MYO16: variants seen among roughly 807,000 people sequenced by gnomAD.
MYO16 encodes the protein myosin XVI.
MYO16 carries 94 observed loss-of-function variants against 205.3 expected under a neutral mutation model. That is an observed-to-expected ratio of 0.46 (90% CI 0.39 to 0.54). The LOEUF is 0.54. Among genes scored for constraint, MYO16 ranks in the 20% least tolerant of loss-of-function variants. The probability of loss-of-function intolerance (pLI) is 0.00; values close to 1 mark genes in which losing one functional copy is unlikely to be tolerated. For missense variants in MYO16, 2,315 were observed against 2,387.5 expected (o/e 0.97, Z 0.63); for synonymous variants, 988 against 954.0 (o/e 1.04, Z -0.66).
intron 5 of MYO16, among the ~76,000 whole-genome samples, chr13:108,790,207 C>T (rs1239610769): frequency 6.6e-6 from 1 of 152,168 alleles, no homozygotes; most frequent in Non-Finnish European, 1.5e-5. Context: ...CTAATATCAT[C>T]AGAGAAAAGG....
chr13:109,144,045 C>T (rs537178632), intron 32 of MYO16, among the ~76,000 whole-genome samples: 44 of 131,902 alleles, frequency 3.3e-4, no homozygotes, highest in Non-Finnish European at 4.9e-4. Context: ...TTTTTTTTGA[C>T]GGAGTTTTGC....
chr13:108,841,506 A>G (rs539522213), intron 9 of MYO16, among the ~76,000 whole-genome samples: 52 of 152,310 alleles, frequency 3.4e-4, no homozygotes, highest in South Asian at 1.0e-3. Flanking sequence ...TGGGTTATGA[A>G]AGGAACTTAG....
intron 1 of MYO16, among the ~76,000 whole-genome samples, chr13:108,600,854 G>T (rs1372382901): frequency 6.6e-6 from 1 of 152,040 alleles, no homozygotes; most frequent in East Asian, 1.9e-4. Context: ...ATTTTACTAC[G>T]GTTTTTTAAA....
At chr13:108,989,133 C>T (rs2139432137) in intron 20 of MYO16, among the ~76,000 whole-genome samples, 1 of 152,170 alleles carries the variant, frequency 6.6e-6, no homozygotes. Context: ...TAAGAAATCA[C>T]CTCCAGGTCT....
intron 20 of MYO16, among the ~76,000 whole-genome samples, chr13:108,975,685 C>T (rs955312920): frequency 6.6e-5 from 10 of 152,074 alleles, no homozygotes; most frequent in Non-Finnish European, 1.3e-4. Flanking sequence ...ATTCTCTCTA[C>T]CAGGAGCCTA....
intron 6 of MYO16, among the ~76,000 whole-genome samples, chr13:108,796,205 C>T (rs1479120014): frequency 1.3e-5 from 2 of 152,160 alleles, no homozygotes; most frequent in Admixed American, 6.5e-5. Flanking sequence ...CATGAGCCTG[C>T]TCCGTTTTAA....
the MYO16 span, among the ~76,000 whole-genome samples, chr13:108,562,826 G>A: frequency 6.6e-6 from 1 of 152,326 alleles, no homozygotes; most frequent in African/African-American, 2.4e-5. Flanking sequence ...GCTTGGGTGT[G>A]TAGGAGGCTG....
At chr13:108,789,932 G>A (rs1886566991) in intron 5 of MYO16, among the ~76,000 whole-genome samples, 1 of 152,150 alleles carries the variant, frequency 6.6e-6, no homozygotes, top group Admixed American at 6.5e-5. Flanking sequence ...CACCAAGGAG[G>A]AAGGATATGA....
rs1257856930 is a variant in MYO16 at position 109,049,446 on chromosome 13, T to A, written c.2872+2455T>A. Among the ~76,000 whole-genome samples the A allele has an allele frequency of 3.3e-5, 5 of 152,204 alleles. No homozygotes were observed. In the South Asian group the frequency reaches 1.0e-3, roughly 31 times the overall value. On this transcript the variant is annotated intron_variant, in intron 24 of 34. Coordinates refer to ENST00000457511, the MANE Select transcript of MYO16 (RefSeq NM_001198950.3). ...ATGGCATCTCCCTGTGCCCATAGGA[T>A]GACATGGATCTTGCTATATCTTCAT...
At chr13:108,956,259 C>T (rs1289202859) in intron 16 of MYO16, among the ~76,000 whole-genome samples, 1 of 152,114 alleles carries the variant, frequency 6.6e-6, no homozygotes, top group African/African-American at 2.4e-5. Flanking sequence ...TCATGAGCTC[C>T]CTGCTTTCCA....
chr13:108,805,172 T>A (rs181723516), intron 6 of MYO16, among the ~76,000 whole-genome samples: 124 of 152,322 alleles, frequency 8.1e-4, no homozygotes, highest in African/African-American at 3.0e-3. Context: ...AGAGCAAGTA[T>A]GTAAAATTAT....
At chr13:108,561,460 G>C in the MYO16 span, among the ~76,000 whole-genome samples, 702 of 152,326 alleles carry the variant, frequency 4.6e-3, 6 homozygotes, top group African/African-American at 0.016. Flanking sequence ...AATGCTGCTT[G>C]AATATTTTTA....
intron 5 of MYO16, among the ~76,000 whole-genome samples, chr13:108,792,899 T>C (rs1419309375): frequency 6.6e-6 from 1 of 152,172 alleles, no homozygotes; most frequent in East Asian, 1.9e-4. Flanking sequence ...AAAAACTGTA[T>C]CTTTGTTATT....
chr13:109,095,878 G>A (rs909587405), intron 27 of MYO16, among the ~76,000 whole-genome samples: 1 of 152,214 alleles, frequency 6.6e-6, no homozygotes, highest in African/African-American at 2.4e-5. Flanking sequence ...ATTCCTACAT[G>A]TCCAATATCA....
chr13:109,026,298 T>C (rs768500909), intron 23 of MYO16, among the ~76,000 whole-genome samples: 6 of 152,130 alleles, frequency 3.9e-5, no homozygotes, highest in Non-Finnish European at 8.8e-5. Flanking sequence ...CTGGGTGGTC[T>C]CTACGTCCAA....
chr13:108,555,729 C>T, the MYO16 span, among the ~76,000 whole-genome samples: 1 of 152,188 alleles, frequency 6.6e-6, no homozygotes, highest in Non-Finnish European at 1.5e-5. Context: ...TTTTGACTGA[C>T]ATCCTCCCAA....
intron 20 of MYO16, among the ~76,000 whole-genome samples, chr13:108,984,090 T>C (rs563318447): frequency 6.6e-6 from 1 of 152,196 alleles, no homozygotes; most frequent in Non-Finnish European, 1.5e-5. Flanking sequence ...CTCTGCTCTA[T>C]CACAAAACTT....
chr13:108,866,222 C>T lies in MYO16; in HGVS notation c.1405C>T (p.Leu469Phe). 1.2e-6 allele frequency: 2 copies of T among 1,600,412 alleles called. No homozygotes were observed. Among genetic ancestry groups the T allele is most frequent in the South Asian group, 2.2e-5 (2 of 89,180 alleles). The change falls in exon 12 of 35, where the codon CTT (leucine) becomes TTT (phenylalanine). Residue 469 changes from leucine (L) to phenylalanine (F), a missense_variant. Around this residue, in one of 3 missense-constraint regions of MYO16, gnomAD observed 1,213 missense variants for 1,274.4 expected, o/e 0.95. Coordinates refer to ENST00000457511, the MANE Select transcript of MYO16 (RefSeq NM_001198950.3). ...TTTGCTTGTTAACCCATACAAGGAGCTTCCAATTTATTCTTCCATGGTGAG... is the reference window on the plus strand; with the variant it reads ...TTTGCTTGTTAACCCATACAAGGAGTTTCCAATTTATTCTTCCATGGTGAG... ...ILLLVNPYKE[L>F]PIYSSMVSQL...
the MYO16 span, among the ~76,000 whole-genome samples, chr13:108,545,749 A>G: frequency 6.6e-6 from 1 of 152,168 alleles, no homozygotes; most frequent in Non-Finnish European, 1.5e-5. Context: ...TCAAAGGAGC[A>G]GGGAAGAGGG....
Sources: gnomAD v4.1 joint callset for allele counts (sites outside exome capture counted in the v4.1 genomes callset) on GRCh38, gnomAD v4.1.1 for gene constraint, gnomAD v4.1.1 regional missense constraint, MANE v1.5 for transcripts, NCBI Gene and HGNC (gene_info 2026-07-23, HGNC 2026-07-21) for gene names.